Variants in GMIP observed in about 807,000 individuals in gnomAD.
GMIP encodes the protein GEM interacting protein.
A neutral mutation model predicts 105.3 loss-of-function variants in GMIP; 54 were observed. The observed-to-expected ratio is 0.51, with a 90% CI of 0.41 to 0.64. The LOEUF (loss-of-function observed/expected upper bound fraction) is 0.64, where lower values mean the gene tolerates loss of function less well. Among genes scored for constraint, GMIP ranks in the 30% least tolerant of loss-of-function variants. The pLI is 0.00. For missense variants in GMIP, 1,110 were observed against 1,319.4 expected (o/e 0.84, Z 2.46); for synonymous variants, 541 against 560.8 (o/e 0.96, Z 0.50).
Position 19,637,778 on chromosome 19 carries a change from A to T in GMIP, c.927+142T>A, listed in dbSNP as rs1358943339. On this transcript the variant is annotated intron_variant, in intron 10 of 20. Transcript: ENST00000203556. This position sits in a 1 kb window ranked among gnomAD's most constrained non-coding sequence, Gnocchi z 6.7. ...GGACCTCATGGGGCGGAGCCGAGAC[A>T]GTGGGTCTGGGGGCGGGAACTGGCT... The T allele has an allele frequency of 6.3e-6, 6 of 948,442 alleles. No homozygotes were observed. Among genetic ancestry groups the T allele is most frequent in the Non-Finnish European group, 9.4e-6 (6 of 639,770 alleles). The allele number at this position is 948,442 out of a possible 1,614,324, so 58.8% of individuals were successfully genotyped here.
At chr19:19,638,094 G>C in intron 9 of GMIP, 37 bp from the exon 10 acceptor site, 1 of 1,546,200 alleles carries the variant, frequency 6.5e-7, no homozygotes, top group African/African-American at 1.4e-5. Context: ...GGTGGGGCGC[G>C]TGTGGGCGAG....
Position 19,634,415 on chromosome 19 carries a change from C to A in GMIP, c.2084+92G>T. On this transcript the variant is annotated intron_variant, in intron 18 of 20. Transcript: ENST00000203556. This position sits in a 1 kb window ranked among gnomAD's most constrained non-coding sequence, Gnocchi z 6.1. ...AGTTCAGAAAACACAGGTCAAAGGT[C>A]AGAGGTCAGTGTCAGGGGTCAGCCA... 1 of 1,174,076 alleles carries A rather than the reference C, an allele frequency of 8.5e-7. No homozygotes were observed. Among genetic ancestry groups the A allele is most frequent in the Non-Finnish European group, 1.2e-6 (1 of 806,062 alleles). The allele number at this position is 1,174,076 out of a possible 1,614,324, so 72.7% of individuals were successfully genotyped here.
intron 4 of GMIP, 146 bp from the exon 5 acceptor site, chr19:19,640,717 ATTT>A (rs1162015894): frequency 3.9e-6 from 2 of 516,168 alleles, no homozygotes; most frequent in Non-Finnish European, 6.6e-6. Flanking sequence ...CCTGGTTGCA[ATTT>A]TACAGATTCA....
chr19:19,643,486 C>G (rs951400557), intron 1 of GMIP, 25 bp downstream of exon 1: 1 of 1,540,772 alleles, frequency 6.5e-7, no homozygotes, highest in Non-Finnish European at 8.8e-7. Flanking sequence ...CGGGGGAGGC[C>G]CCTCCCGGAT....
chr19:19,635,280 A>T lies in GMIP; in HGVS notation c.1561-67T>A. 1 of 1,538,790 alleles carries T rather than the reference A, an allele frequency of 6.5e-7. No homozygotes were observed. ...AGTAGGGGAAGAGAAGGTTACAAGG[A>T]TCCTCAAGGAATGGGGGCTCATGGG... is the stretch of plus-strand genomic sequence containing the variant. On this transcript the variant is annotated intron_variant, in intron 15 of 20. Coordinates refer to ENST00000203556, the MANE Select transcript of GMIP (RefSeq NM_016573.4). This position sits in a 1 kb window ranked among gnomAD's most constrained non-coding sequence, Gnocchi z 4.7.
At position 19,637,979 on chromosome 19, in the gene GMIP, G is replaced by C; in HGVS notation, c.868C>G (p.Gln290Glu). Residue 290 changes from glutamine to glutamate, a missense_variant, in exon 10 of 21, where the codon CAG becomes GAG. By Grantham distance (29) the Gln-to-Glu change is conservative. Coordinates refer to ENST00000203556, the MANE Select transcript of GMIP (RefSeq NM_016573.4). The surrounding 1 kb of genome is among the most constrained non-coding windows in gnomAD (Gnocchi z 6.7). ...ARQQDLEIAK[Q>E]RIVSHVRKLV... is the part of the protein sequence containing the mutation. ...TTGCGCACGTGCGACACGATTCGCT[G>C]CTTGGCGATCTCCAGGTCCTGCTGC... 2 of 1,611,224 alleles carry C rather than the reference G, an allele frequency of 1.2e-6. No individual in the cohort carries two copies. Among genetic ancestry groups the C allele is most frequent in the South Asian group, 2.2e-5 (2 of 90,838 alleles).
chr19:19,638,778 C>CTTTT (rs554304896), intron 7 of GMIP, among the ~76,000 whole-genome samples: 1 of 132,290 alleles, frequency 7.6e-6, no homozygotes, highest in Non-Finnish European at 1.7e-5. Flanking sequence ...ACAATTTCTT[C>CTTTT]TTTTTTTTTT....
chr19:19,632,677 A>G (rs944962820), intron 19 of GMIP, among the ~76,000 whole-genome samples: 2 of 152,234 alleles, frequency 1.3e-5, no homozygotes, highest in African/African-American at 2.4e-5. Context: ...GGAAGCCTCT[A>G]TAGTGTCCCC....
At chr19:19,633,526 G>T (rs1030732833) in intron 19 of GMIP, among the ~76,000 whole-genome samples, 1 of 152,142 alleles carries the variant, frequency 6.6e-6, no homozygotes, top group Non-Finnish European at 1.5e-5. Context: ...CAATGCCTAC[G>T]ACAATGCTTG....
At position 19,643,523 on chromosome 19, in the gene GMIP, C is replaced by T. The variant is rs746627233; in HGVS notation, c.7G>A (p.Ala3Thr). MD[A>T]AEPGLPPGPE... ...CCCGACCCCCTACCCGGCTCTGCTG[C>T]GTCCATATCTGGGCCCGGGGATCGC... The change falls in exon 1 of 21, where the codon GCA (alanine) becomes ACA (threonine). Residue 3 changes from alanine to threonine, a missense_variant. Coordinates refer to ENST00000203556, the MANE Select transcript of GMIP (RefSeq NM_016573.4). The T allele has an allele frequency of 1.3e-6, 2 of 1,547,982 alleles. No homozygotes were observed. Among genetic ancestry groups the T allele is most frequent in the South Asian group, 2.4e-5 (2 of 83,784 alleles).
chr19:19,634,013 C>A lies in GMIP; in HGVS notation c.2262G>T (p.Glu754Asp). 6.2e-7 allele frequency: 1 copy of A among 1,612,550 alleles called. No individual in the cohort carries two copies. The highest frequency in any genetic ancestry group is 1.1e-5 in the South Asian group (1 of 91,050). ...GGAGCTCATCCATCCCAAAGATCTGCTCGTAGTGCACGATGAGGAACTCCA... is the reference window on the plus strand; with the variant it reads ...GGAGCTCATCCATCCCAAAGATCTGATCGTAGTGCACGATGAGGAACTCCA... ...QLVEFLIVHYEQIFGMDELPQ... is the reference protein window; with the variant it reads ...QLVEFLIVHYDQIFGMDELPQ... Residue 754 changes from glutamate to aspartate, a missense_variant, in exon 19 of 21, where the codon GAG (glutamate) becomes GAT (aspartate). Physicochemically the swap from Glu to Asp is conservative, Grantham distance 45 (BLOSUM62 2). Coordinates refer to ENST00000203556, the MANE Select transcript of GMIP (RefSeq NM_016573.4). The surrounding 1 kb of genome is among the most constrained non-coding windows in gnomAD (Gnocchi z 6.1).
Position 19,630,004 on chromosome 19 carries a change from A to G in GMIP, c.2872T>C (p.Cys958Arg). ...DSEAVPRATC[C>R]PDVQPEEAED... is the part of the protein sequence containing the mutation. Reference sequence around the variant, plus strand: ...GCTTCCTCAGGCTGGACGTCCGGGCAGCAGGTGGCCCTGGGCACAGCCTCG... The same window carrying G: ...GCTTCCTCAGGCTGGACGTCCGGGCGGCAGGTGGCCCTGGGCACAGCCTCG... The change falls in exon 21 of 21, where the codon TGC becomes CGC. Residue 958 changes from cysteine (C) to arginine (R), a missense_variant. Transcript: ENST00000203556. This position sits in a 1 kb window ranked among gnomAD's most constrained non-coding sequence, Gnocchi z 4.8. 2 of 1,609,206 alleles carry G rather than the reference A, an allele frequency of 1.2e-6. No homozygotes were observed. The highest frequency in any genetic ancestry group is 1.7e-6 in the Non-Finnish European group (2 of 1,178,186).
chr19:19,630,411 C>G lies in GMIP; in HGVS notation c.2539+60G>C, dbSNP rs1482663052. 6.3e-7 allele frequency: 1 copy of G among 1,596,048 alleles called. No homozygotes were observed. Among genetic ancestry groups the G allele is most frequent in the Non-Finnish European group, 8.5e-7 (1 of 1,171,426 alleles). On this transcript the variant is annotated intron_variant, in intron 20 of 20. Transcript: ENST00000203556. This position sits in a 1 kb window ranked among gnomAD's most constrained non-coding sequence, Gnocchi z 4.8. ...TATCCCCCCAGGAGTCATCTTTTAG[C>G]AAGCCACCCTGGGGCCAGGGCACCC... is the stretch of plus-strand genomic sequence containing the variant.
In GMIP at chr19:19,636,743, C is replaced by T. The variant is rs375905084; in HGVS notation, c.1291G>A (p.Glu431Lys). The T allele has an allele frequency of 3.7e-6, 6 of 1,613,678 alleles. No individual in the cohort carries two copies. The highest frequency in any genetic ancestry group is 1.7e-5 in the Admixed American group (1 of 59,954). ...SDVDSVGGGS[E>K]SRSLDSPTSS... ...GTGGGTGAGTCCAGGGACCGAGACT[C>T]GCTGCCGCCACCCACGCTGTCCACA... The change falls in exon 13 of 21, where the codon GAG (glutamate) becomes AAG (lysine). Residue 431 changes from glutamate to lysine, a missense_variant. By Grantham distance (56) the Glu-to-Lys change is moderately conservative (BLOSUM62 1). This residue lies in a region of GMIP where 667 missense variants were observed against 773.2 expected (regional missense o/e 0.86). Coordinates refer to ENST00000203556, the MANE Select transcript of GMIP (RefSeq NM_016573.4).
chr19:19,634,055 C>T lies in GMIP; in HGVS notation c.2220G>A (p.Gly740=). 1 of 1,613,572 alleles carries T rather than the reference C, an allele frequency of 6.2e-7. No homozygotes were observed. ...AIPVTCLLDS[G]HQAQLVEFLI... is the part of the protein sequence containing the mutation. ...GGAACTCCACAAGCTGGGCCTGATG[C>T]CCAGAGTCCAGCAGGCAGGTGACAG... is the stretch of plus-strand genomic sequence containing the variant. Residue 740 remains glycine (G), a synonymous_variant, in exon 19 of 21, where the codon GGG becomes GGA. Coordinates refer to ENST00000203556, the MANE Select transcript of GMIP (RefSeq NM_016573.4). This position sits in a 1 kb window ranked among gnomAD's most constrained non-coding sequence, Gnocchi z 6.1.
rs780234716 is a variant in GMIP at position 19,634,587 on chromosome 19, G to GTT, written c.2003_2004insAA (p.Arg669ThrfsTer4). ...GTACCAAGAGGGTCTTCAGCGAGCG[G>GTT]ATAACCTCAGGGCTGGGGCTGGGGG... On this transcript the variant is annotated frameshift_variant, in exon 18 of 21. Coordinates refer to ENST00000203556, the MANE Select transcript of GMIP (RefSeq NM_016573.4). LOFTEE classifies it high-confidence loss of function. The surrounding 1 kb of genome is among the most constrained non-coding windows in gnomAD (Gnocchi z 6.1). 3.1e-6 allele frequency: 5 copies of GTT among 1,613,610 alleles called. No individual in the cohort carries two copies. The highest frequency in any genetic ancestry group is 4.2e-6 in the Non-Finnish European group (5 of 1,179,820).
At position 19,633,911 on chromosome 19, in the gene GMIP, G is replaced by T. The variant is rs746224326; in HGVS notation, c.2364C>A (p.Pro788=). The stretch of plus-strand genomic sequence containing the variant: ...GCTGGGAGTCTGGGTCAAGGTGCGG[G>T]GGTGGCGGTTGGGAGCTGGTTGTGA... The part of the protein sequence containing the change: ...GPLTTSSQPP[P]PHLDPDSQPP... The change falls in exon 19 of 21, where the codon CCC becomes CCA. Residue 788 remains proline (P), a synonymous_variant. Transcript: ENST00000203556. 1 of 1,535,990 alleles carries T rather than the reference G, an allele frequency of 6.5e-7. No individual in the cohort carries two copies. Among genetic ancestry groups the T allele is most frequent in the Admixed American group, 2.0e-5 (1 of 51,262 alleles).
rs1354088112 is a variant in GMIP at position 19,630,889 on chromosome 19, A to C, written c.2473-352T>G. The stretch of plus-strand genomic sequence containing the variant: ...TCCTTTGCAGTTTTGGTGTTTGGGG[A>C]TAGACGATGCCCTTATAAGTGTACT... On this transcript the variant is annotated intron_variant, in intron 19 of 20. Coordinates refer to ENST00000203556, the MANE Select transcript of GMIP (RefSeq NM_016573.4). This position sits in a 1 kb window ranked among gnomAD's most constrained non-coding sequence, Gnocchi z 4.8. Among the ~76,000 whole-genome samples the C allele has an allele frequency of 2.6e-5, 4 of 152,090 alleles. No individual in the cohort carries two copies. Among genetic ancestry groups the C allele is most frequent in the African/African-American group, 9.7e-5 (4 of 41,426 alleles).
chr19:19,638,379 C>T, intron 8 of GMIP, 23 bp downstream of exon 8: 1 of 1,614,130 alleles, frequency 6.2e-7, no homozygotes, highest in Non-Finnish European at 8.5e-7. Flanking sequence ...TCACCCTACC[C>T]TTCCACCAAT....
Sources: gnomAD v4.1 joint callset for allele counts (sites outside exome capture counted in the v4.1 genomes callset) on GRCh38, gnomAD v4.1.1 for gene constraint, gnomAD v4.1.1 regional missense constraint, Gnocchi (gnomAD v3.1) non-coding constraint, MANE v1.5 for transcripts, NCBI Gene and HGNC (gene_info 2026-07-23, HGNC 2026-07-21) for gene names.